SLC10A7: variants seen among roughly 807,000 people sequenced by gnomAD.
SLC10A7 encodes the protein solute carrier family 10 member 7.
In SLC10A7, 29 loss-of-function variants were observed where a neutral mutation model predicts 43.2. The observed-to-expected ratio is 0.67, with a 90% CI of 0.50 to 0.92. The LOEUF is 0.92. Ranked by LOEUF, SLC10A7 falls within the 40% of genes least tolerant of loss-of-function variation. SLC10A7 has a pLI of 0.00. For synonymous variants in SLC10A7, 152 were observed against 144.8 expected (o/e 1.05, Z -0.35); for missense variants, 295 against 403.2 (o/e 0.73, Z 2.30).
At chr4:146,296,102 C>T (rs542059042) in intron 7 of SLC10A7, among the ~76,000 whole-genome samples, 5 of 152,228 alleles carry the variant, frequency 3.3e-5, no homozygotes, top group African/African-American at 1.2e-4. Flanking sequence ...TCTGTGAATA[C>T]CAAATCCACT....
rs529060862 is a variant in SLC10A7, at chr4:146,342,880, C to A, written c.436-16884G>T. 4.0e-5 allele frequency among the ~76,000 whole-genome samples: 6 copies of A among 151,690 alleles called. No homozygotes were observed. In the South Asian group the frequency reaches 1.2e-3, roughly 32 times the overall value. ...GGTTGATTCTATATATTTAAATATA[C>A]ATTAAATATTTTTTATAGATAAAAC... is the stretch of plus-strand genomic sequence containing the variant. On this transcript the variant is annotated intron_variant, in intron 5 of 11. Coordinates refer to ENST00000335472, the MANE Select transcript of SLC10A7 (RefSeq NM_001029998.6).
chr4:146,487,256 C>G (rs1337059924), intron 4 of SLC10A7, among the ~76,000 whole-genome samples: 1 of 152,196 alleles, frequency 6.6e-6, no homozygotes, highest in Non-Finnish European at 1.5e-5. Context: ...GACTCAAGCT[C>G]TAGAGACTTC....
intron 4 of SLC10A7, among the ~76,000 whole-genome samples, chr4:146,443,800 A>C (rs1223761683): frequency 6.6e-6 from 1 of 152,230 alleles, no homozygotes; most frequent in East Asian, 1.9e-4. Context: ...GTGAATGGGT[A>C]ATGAGATCCT....
At chr4:146,325,218 G>A (rs1420210484) in intron 6 of SLC10A7, among the ~76,000 whole-genome samples, 1 of 152,208 alleles carries the variant, frequency 6.6e-6, no homozygotes, top group Non-Finnish European at 1.5e-5. Flanking sequence ...TTTGGAAGAT[G>A]TGTGTATGAA....
At chr4:146,420,602 T>C (rs1211001560) in intron 5 of SLC10A7, among the ~76,000 whole-genome samples, 3 of 152,134 alleles carry the variant, frequency 2.0e-5, no homozygotes. Flanking sequence ...GAGAGATAGG[T>C]ACATAAGGCT....
At chr4:146,500,541 A>C (rs1736303919) in intron 4 of SLC10A7, among the ~76,000 whole-genome samples, 1 of 152,174 alleles carries the variant, frequency 6.6e-6, no homozygotes, top group Non-Finnish European at 1.5e-5. Flanking sequence ...ACTGACAGTC[A>C]TACAACTCAA....
chr4:146,314,325 A>T (rs1560789556), intron 6 of SLC10A7, among the ~76,000 whole-genome samples: 2 of 152,210 alleles, frequency 1.3e-5, no homozygotes. Context: ...ACTGAAATGG[A>T]AACTAATTGG....
chr4:146,368,053 G>A (rs1736518296), intron 5 of SLC10A7, among the ~76,000 whole-genome samples: 1 of 152,142 alleles, frequency 6.6e-6, no homozygotes. Flanking sequence ...CTCTGTTTCA[G>A]CATTCATTAT....
intron 5 of SLC10A7, among the ~76,000 whole-genome samples, chr4:146,401,449 C>T (rs1224185238): frequency 3.3e-5 from 5 of 152,180 alleles, no homozygotes; most frequent in Non-Finnish European, 7.3e-5. Flanking sequence ...TTCCTTATTA[C>T]TAAGCTTTGT....
At chr4:146,264,700 C>T (rs1287221945) in intron 10 of SLC10A7, among the ~76,000 whole-genome samples, 2 of 152,170 alleles carry the variant, frequency 1.3e-5, no homozygotes, top group African/African-American at 2.4e-5. Flanking sequence ...CCCTGCAACT[C>T]CTACTGTCAC....
At chr4:146,506,294 A>T (rs957217177) in intron 3 of SLC10A7, among the ~76,000 whole-genome samples, 2 of 152,196 alleles carry the variant, frequency 1.3e-5, no homozygotes, top group East Asian at 3.9e-4. Flanking sequence ...TATTGAATAC[A>T]TATATCTTCT....
At chr4:146,416,208 T>C (rs1450753072) in intron 5 of SLC10A7, among the ~76,000 whole-genome samples, 1 of 138,258 alleles carries the variant, frequency 7.2e-6, no homozygotes, top group African/African-American at 2.9e-5. Context: ...AGTCACTTAG[T>C]GTGGAGGCAA....
intron 5 of SLC10A7, chr4:146,441,921 G>A (rs1730632431): frequency 1.0e-6 from 1 of 982,406 alleles, no homozygotes; most frequent in African/African-American, 1.8e-5. Flanking sequence ...TTTAAACAGA[G>A]GTAATTGATA....
rs1553981743 is a variant in SLC10A7, at chr4:146,470,133, GAGA to G, written c.397-27315_397-27313del. On this transcript the variant is annotated intron_variant, in intron 4 of 11. Transcript: ENST00000335472. ...CAGAGCTTGCACTATTATTTGGTGG[GAGA>G]AGAAGGATGCAAAAAAGTTATAATT... 2.6e-4 allele frequency among the ~76,000 whole-genome samples: 39 copies of G among 152,118 alleles called. 1 individual carries two copies. The highest frequency in any genetic ancestry group is 1.5e-5 in the Non-Finnish European group (1 of 68,014).
intron 4 of SLC10A7, among the ~76,000 whole-genome samples, chr4:146,457,615 A>C (rs1328964990): frequency 1.3e-5 from 2 of 151,914 alleles, no homozygotes; most frequent in Non-Finnish European, 2.9e-5. Context: ...CTCTTGGGTA[A>C]AAAAAGAAAA....
In SLC10A7 at chr4:146,305,809, T is replaced by C. The variant is rs1042928377; in HGVS notation, c.555+117A>G. 7 of 869,640 alleles carry C rather than the reference T, an allele frequency of 8.0e-6. No individual in the cohort carries two copies. In the Admixed American group the frequency reaches 2.0e-4, roughly 25 times the overall value. 53.9% of individuals were successfully genotyped at this position (869,640 alleles called of 1,614,324 possible). Reference sequence around the variant, plus strand: ...ATTGATGAAAGTTTTGTTTTTAGTCTCATATTTTCATTTATCTCCTCCCTC... The same window carrying C: ...ATTGATGAAAGTTTTGTTTTTAGTCCCATATTTTCATTTATCTCCTCCCTC... On this transcript the variant is annotated intron_variant, in intron 7 of 11. Coordinates refer to ENST00000335472, the MANE Select transcript of SLC10A7 (RefSeq NM_001029998.6).
At chr4:146,402,037 A>G (rs984672217) in intron 5 of SLC10A7, among the ~76,000 whole-genome samples, 3 of 152,154 alleles carry the variant, frequency 2.0e-5, no homozygotes, top group Non-Finnish European at 2.9e-5. Context: ...TTCATACCTA[A>G]TTGAGAGTGA....
intron 2 of SLC10A7, among the ~76,000 whole-genome samples, chr4:146,515,909 C>CAAA (rs57840725): frequency 1.6e-4 from 13 of 79,230 alleles, no homozygotes; most frequent in Non-Finnish European, 2.5e-4. Context: ...GATTCCATCT[C>CAAA]AAAAAAAAAA....
At chr4:146,354,475 A>G (rs975762105) in intron 5 of SLC10A7, among the ~76,000 whole-genome samples, 9 of 151,514 alleles carry the variant, frequency 5.9e-5, no homozygotes, top group South Asian at 2.1e-4. Context: ...AAGGTAATTT[A>G]CAGATTCAAT....
Sources: allele counts gnomAD v4.1 joint callset (sites outside exome capture counted in the v4.1 genomes callset), GRCh38; gene constraint gnomAD v4.1.1; transcripts MANE v1.5; gene names NCBI Gene and HGNC (gene_info 2026-07-23, HGNC 2026-07-21).